The following LDLRAD4 variants were observed in gnomAD, a reference collection of about 807,000 sequenced individuals.
LDLRAD4 encodes the protein low-density lipoprotein receptor class A domain-containing protein 4.
Under a neutral mutation model 17.0 loss-of-function variants are expected in LDLRAD4, and 5 were observed. The observed-to-expected ratio is 0.29, with a 90% CI of 0.15 to 0.62. LDLRAD4 has a LOEUF of 0.62. Ranked by LOEUF, LDLRAD4 falls within the 20% of genes least tolerant of loss-of-function variation. The pLI is 0.84. For missense variants in LDLRAD4, 340 were observed against 424.7 expected (o/e 0.80, Z 1.75); for synonymous variants, 168 against 171.8 (o/e 0.98, Z 0.17).
intron 3 of LDLRAD4, among the ~76,000 whole-genome samples, chr18:13,607,444 A>G (rs2095235602): frequency 6.6e-6 from 1 of 151,650 alleles, no homozygotes; most frequent in Admixed American, 6.6e-5. Context: ...ATTTTATTTT[A>G]CTTTAAGTTC....
chr18:13,266,197 C>T (rs949633509), intron 1 of LDLRAD4, among the ~76,000 whole-genome samples: 7 of 152,104 alleles, frequency 4.6e-5, no homozygotes, highest in Admixed American at 2.0e-4. Context: ...AAGGCTTTTT[C>T]GGGGCTTGTT....
At chr18:13,381,369 CT>C (rs1434361310) in intron 1 of LDLRAD4, among the ~76,000 whole-genome samples, 2 of 152,194 alleles carry the variant, frequency 1.3e-5, no homozygotes, top group Non-Finnish European at 2.9e-5. Flanking sequence ...TGCCCGCCCA[CT>C]GTATCCTTTT....
intron 3 of LDLRAD4, chr18:13,614,118 C>G (rs141717527): frequency 4.4e-4 from 67 of 152,288 alleles, no homozygotes; most frequent in African/African-American, 1.6e-3. Flanking sequence ...TGAAGCAGGT[C>G]AGGCCGTTGG....
At chr18:13,334,519 C>A (rs2082014621) in intron 1 of LDLRAD4, among the ~76,000 whole-genome samples, 1 of 152,354 alleles carries the variant, frequency 6.6e-6, no homozygotes, top group East Asian at 1.9e-4. Context: ...CAGGCATGAG[C>A]CACTGCACCC....
At chr18:13,232,475 CT>C (rs1206385703) in intron 1 of LDLRAD4, among the ~76,000 whole-genome samples, 2 of 150,176 alleles carry the variant, frequency 1.3e-5, no homozygotes, top group African/African-American at 5.1e-5. Flanking sequence ...CCCGCGTGGC[CT>C]TGTCCGGGGG....
At chr18:13,508,908 C>A (rs1297792324) in intron 3 of LDLRAD4, among the ~76,000 whole-genome samples, 1 of 152,166 alleles carries the variant, frequency 6.6e-6, no homozygotes, top group Non-Finnish European at 1.5e-5. Flanking sequence ...AAATAGTGAT[C>A]CTTCTGATGG....
chr18:13,586,652 C>G (rs1330808876), intron 3 of LDLRAD4, among the ~76,000 whole-genome samples: 2 of 151,564 alleles, frequency 1.3e-5, no homozygotes, highest in Admixed American at 6.6e-5. Context: ...GTTGAGAGGC[C>G]AAGGTAGGCA....
chr18:13,353,486 T>C (rs8085978), intron 1 of LDLRAD4, among the ~76,000 whole-genome samples: 12,995 of 152,262 alleles, frequency 0.085, 1,587 homozygotes, highest in African/African-American at 0.27. Flanking sequence ...TTCTATTGTA[T>C]TCCTCTGCCT....
At chr18:13,338,008 T>C (rs1368638111) in intron 1 of LDLRAD4, among the ~76,000 whole-genome samples, 1 of 152,174 alleles carries the variant, frequency 6.6e-6, no homozygotes, top group African/African-American at 2.4e-5. Flanking sequence ...AGTAGCAAGT[T>C]ATGGTTACAG....
intron 4 of LDLRAD4, among the ~76,000 whole-genome samples, chr18:13,627,984 C>A (rs1245643568): frequency 6.6e-6 from 1 of 152,188 alleles, no homozygotes; most frequent in African/African-American, 2.4e-5. Context: ...TCCCTCTACC[C>A]TCCCCTGCAG....
chr18:13,547,297 T>C (rs2094379069), intron 3 of LDLRAD4, among the ~76,000 whole-genome samples: 4 of 152,178 alleles, frequency 2.6e-5, no homozygotes, highest in African/African-American at 9.7e-5. Context: ...TTTGAAAAAT[T>C]AACTTTCTGC....
At chr18:13,619,316 G>A (rs1320284765) in intron 3 of LDLRAD4, among the ~76,000 whole-genome samples, 1 of 152,040 alleles carries the variant, frequency 6.6e-6, no homozygotes, top group African/African-American at 2.4e-5. Flanking sequence ...GTGTTCCTAG[G>A]TAAACAAGCG....
At chr18:13,372,575 T>C (rs2084596992) in intron 1 of LDLRAD4, among the ~76,000 whole-genome samples, 1 of 152,222 alleles carries the variant, frequency 6.6e-6, no homozygotes, top group African/African-American at 2.4e-5. Context: ...GTGCTGGGAA[T>C]GCTAGGCCGT....
chr18:13,595,473 A>G (rs556180473), intron 3 of LDLRAD4, among the ~76,000 whole-genome samples: 24 of 151,862 alleles, frequency 1.6e-4, no homozygotes, highest in Middle Eastern at 3.4e-3. Flanking sequence ...TTTCCTTGTT[A>G]TTCCATCTTT....
chr18:13,597,818 T>A (rs1390435585), intron 3 of LDLRAD4, among the ~76,000 whole-genome samples: 1 of 152,130 alleles, frequency 6.6e-6, no homozygotes, highest in East Asian at 1.9e-4. Flanking sequence ...TCTAGTGAAT[T>A]TTTTATTTTG....
chr18:13,448,228 C>T (rs766891395), intron 3 of LDLRAD4, among the ~76,000 whole-genome samples: 6 of 152,220 alleles, frequency 3.9e-5, no homozygotes, highest in Non-Finnish European at 7.4e-5. Context: ...GTGCTTAAGA[C>T]GGGAATGCAG....
At chr18:13,443,793 G>T (rs1451785368) in intron 3 of LDLRAD4, among the ~76,000 whole-genome samples, 2 of 151,996 alleles carry the variant, frequency 1.3e-5, no homozygotes, top group Non-Finnish European at 2.9e-5. Flanking sequence ...CCGTACTCTG[G>T]ATTTTGCTGG....
intron 3 of LDLRAD4, among the ~76,000 whole-genome samples, chr18:13,600,745 C>T (rs1444175352): frequency 1.3e-5 from 2 of 152,132 alleles, no homozygotes; most frequent in African/African-American, 4.8e-5. Flanking sequence ...TTATAGGAAA[C>T]AAAATTGTAA....
rs1412990870 is a variant in LDLRAD4, at chr18:13,398,456, A to C, written c.40+10694A>C. ...CAGTGAACATAAACAGTTTTGAAAA[A>C]AAAGAAAATTGCTGAAATACCATTG... On this transcript the variant is annotated intron_variant, in intron 2 of 5. Transcript: ENST00000359446. The surrounding 1 kb of genome is among the most constrained non-coding windows in gnomAD (Gnocchi z 4.8). Among the ~76,000 whole-genome samples, 2 of 152,168 alleles carry C rather than the reference A, an allele frequency of 1.3e-5. No individual in the cohort carries two copies. The highest frequency in any genetic ancestry group is 2.9e-5 in the Non-Finnish European group (2 of 68,018).
Sources: allele counts gnomAD v4.1 joint callset (sites outside exome capture counted in the v4.1 genomes callset), GRCh38; gene constraint gnomAD v4.1.1; non-coding constraint Gnocchi (gnomAD v3.1); transcripts MANE v1.5; gene names NCBI Gene and HGNC (gene_info 2026-07-23, HGNC 2026-07-21).